Variants in ATP2B2 observed in about 807,000 individuals in gnomAD.
ATP2B2 encodes the protein plasma membrane calcium-transporting ATPase 2.
ATP2B2 carries 15 observed loss-of-function variants against 120.0 expected under a neutral mutation model. The observed-to-expected ratio is 0.12, with a 90% confidence interval of 0.08 to 0.19. ATP2B2 has a LOEUF of 0.19. Among genes scored for constraint, ATP2B2 ranks in the 10% least tolerant of loss-of-function variants. ATP2B2 has a pLI of 1.00. For missense variants in ATP2B2, 1,045 were observed against 1,719.8 expected, an observed-to-expected ratio of 0.61 and a Z score of 6.94; for synonymous variants, 694 against 700.3, an observed-to-expected ratio of 0.99 and a Z score of 0.14.
At chr3:10,559,798 T>TGCACGTGTTCCTTCC (rs2067862717) in intron 2 of ATP2B2, among the ~76,000 whole-genome samples, 2 of 152,232 alleles carry the variant, frequency 1.3e-5, no homozygotes, top group Non-Finnish European at 2.9e-5. Flanking sequence ...GTGGTAACTC[T>TGCACGTGTTCCTTCC]GCACGTGTTC....
chr3:10,635,941 C>A lies in ATP2B2; in HGVS notation c.-459-15980G>T, dbSNP rs1003158707. On this transcript the variant is annotated intron_variant, in intron 1 of 21. Transcript: ENST00000646379. The surrounding 1 kb of genome is among the most constrained non-coding windows in gnomAD (Gnocchi z 4.3). ...CAGGGATGAGCCTCCAGGCAGAGGG[C>A]CCCCTGGACCTACCCAAATGGATGC... Among the ~76,000 whole-genome samples, 3 of 152,206 alleles carry A rather than the reference C, an allele frequency of 2.0e-5. No individual in the cohort carries two copies. Among genetic ancestry groups the A allele is most frequent in the Admixed American group, 1.3e-4 (2 of 15,290 alleles).
chr3:10,427,173 C>T (rs1374092292), intron 2 of ATP2B2, among the ~76,000 whole-genome samples: 1 of 152,194 alleles, frequency 6.6e-6, no homozygotes, highest in Non-Finnish European at 1.5e-5. Flanking sequence ...CTCTTTCAAT[C>T]CCTGGTCCAG....
intron 1 of ATP2B2, among the ~76,000 whole-genome samples, chr3:10,454,918 C>A (rs187329690): frequency 6.6e-6 from 1 of 152,294 alleles, no homozygotes; most frequent in Admixed American, 6.5e-5. Context: ...ATGCTCCTGA[C>A]TCCCAGGTGC....
At chr3:10,707,349 G>A (rs956902113) in intron 1 of ATP2B2, among the ~76,000 whole-genome samples, 1 of 152,188 alleles carries the variant, frequency 6.6e-6, no homozygotes, top group Non-Finnish European at 1.5e-5. Flanking sequence ...AGAGCACTTG[G>A]CAGAGATGCT....
chr3:10,461,508 A>C (rs567921858), intron 1 of ATP2B2, among the ~76,000 whole-genome samples: 55 of 152,214 alleles, frequency 3.6e-4, no homozygotes, highest in Admixed American at 2.2e-3. Flanking sequence ...TCTCCTGATA[A>C]AGTCTTCTCT....
intron 2 of ATP2B2, among the ~76,000 whole-genome samples, chr3:10,439,899 C>T (rs1031900683): frequency 6.9e-6 from 1 of 145,546 alleles, no homozygotes; most frequent in Non-Finnish European, 1.5e-5. Flanking sequence ...GGATTACAAG[C>T]GTGTACCACC....
chr3:10,376,947 T>G (rs1033306295), intron 10 of ATP2B2, among the ~76,000 whole-genome samples: 1 of 152,160 alleles, frequency 6.6e-6, no homozygotes, highest in Non-Finnish European at 1.5e-5. Context: ...GCTTCTTCCC[T>G]AGCGTGGACC....
chr3:10,585,211 T>C (rs1390654025), intron 2 of ATP2B2, among the ~76,000 whole-genome samples: 1 of 152,080 alleles, frequency 6.6e-6, no homozygotes, highest in African/African-American at 2.4e-5. Context: ...TAAGATCCAG[T>C]GAGAGGCCGG....
At chr3:10,665,070 A>G (rs1214777386) in intron 1 of ATP2B2, among the ~76,000 whole-genome samples, 1 of 152,010 alleles carries the variant, frequency 6.6e-6, no homozygotes, top group African/African-American at 2.4e-5. Context: ...CTTCCTGTCC[A>G]CCCCATCCCT....
At position 10,326,916 on chromosome 3, in the gene ATP2B2, G is replaced by A. The variant is rs776551214; in HGVS notation, c.*1898C>T. 8 of 398,758 alleles carry A rather than the reference G, an allele frequency of 2.0e-5. No homozygotes were observed. The highest frequency in any genetic ancestry group is 4.1e-5 in the African/African-American group (2 of 48,602). The allele number at this position is 398,758 out of a possible 1,614,324, so 24.7% of individuals were successfully genotyped here. A position where few individuals can be genotyped will look rare whatever the true frequency, so the allele number is the denominator to read the frequency against. ...TTCTCTGGGCCTGGAGAAGGGAAGG[G>A]GCTGGGCTGACACAGCCATCGTGAG... On this transcript the variant is annotated 3_prime_UTR_variant, in exon 23 of 23. Transcript: ENST00000360273.
intron 22 of ATP2B2, chr3:10,330,209 C>A (rs530202770): frequency 6.5e-6 from 1 of 154,852 alleles, no homozygotes; most frequent in Non-Finnish European, 1.5e-5. Context: ...GTTTCCTCCG[C>A]TGAAGAATGG....
chr3:10,449,277 G>C lies in ATP2B2; in HGVS notation c.199+68C>G, dbSNP rs986526978. On this transcript the variant is annotated intron_variant, in intron 2 of 22. Transcript: ENST00000360273. ...CCTGCTGTTACATATTATGAATATG[G>C]TCCCTGTGGCCAATTCAGATGGTGG... 18 of 1,534,138 alleles carry C rather than the reference G, an allele frequency of 1.2e-5. No homozygotes were observed. The African/African-American group carries it at 2.5e-4, about 21-fold the overall frequency.
intron 2 of ATP2B2, among the ~76,000 whole-genome samples, chr3:10,556,436 T>C (rs1282287371): frequency 6.6e-6 from 1 of 152,174 alleles, no homozygotes; most frequent in Non-Finnish European, 1.5e-5. Flanking sequence ...AAAAATTGAC[T>C]GTGTCAGGAG....
chr3:10,536,697 T>G (rs538662448), intron 2 of ATP2B2, among the ~76,000 whole-genome samples: 1 of 152,056 alleles, frequency 6.6e-6, no homozygotes, highest in Non-Finnish European at 1.5e-5. Flanking sequence ...CAGCTAATTT[T>G]ATTTATTTTT....
At chr3:10,595,571 G>C (rs2068746718) in intron 2 of ATP2B2, among the ~76,000 whole-genome samples, 1 of 152,168 alleles carries the variant, frequency 6.6e-6, no homozygotes, top group Non-Finnish European at 1.5e-5. Context: ...AAGTCACACA[G>C]CTAAGAAATC....
At chr3:10,444,588 C>T (rs903111792) in intron 2 of ATP2B2, among the ~76,000 whole-genome samples, 3 of 152,210 alleles carry the variant, frequency 2.0e-5, no homozygotes, top group Admixed American at 6.5e-5. Flanking sequence ...CCCACTCCAC[C>T]CTGCTGCCGC....
chr3:10,628,423 G>A (rs2125634734), intron 1 of ATP2B2, among the ~76,000 whole-genome samples: 1 of 152,334 alleles, frequency 6.6e-6, no homozygotes, highest in Non-Finnish European at 1.5e-5. Context: ...TCTGGCGAAT[G>A]ATTAACGTGC....
At chr3:10,371,784 G>A in intron 12 of ATP2B2, 25 bp downstream of exon 12, 1 of 1,614,148 alleles carries the variant, frequency 6.2e-7, no homozygotes, top group Non-Finnish European at 8.5e-7. Flanking sequence ...GCTCCAGGTG[G>A]TGGATGTGCC....
At position 10,340,441 on chromosome 3, in the gene ATP2B2, T is replaced by C; in HGVS notation, c.3129+52A>G. The C allele has an allele frequency of 6.2e-7, 1 of 1,613,754 alleles. No homozygotes were observed. Among genetic ancestry groups the C allele is most frequent in the Non-Finnish European group, 8.5e-7 (1 of 1,179,746 alleles). On this transcript the variant is annotated intron_variant, in intron 20 of 22. Coordinates refer to ENST00000360273, the MANE Select transcript of ATP2B2 (RefSeq NM_001001331.4). This position sits in a 1 kb window ranked among gnomAD's most constrained non-coding sequence, Gnocchi z 5.0. Reference sequence around the variant, plus strand: ...GGCTCTCAGGGTCCTGCCCAGGGGCTCCAGCCGCTTGCTGCCCACCCCGGG... The same window carrying C: ...GGCTCTCAGGGTCCTGCCCAGGGGCCCCAGCCGCTTGCTGCCCACCCCGGG...
Sources: allele counts gnomAD v4.1 joint callset (sites outside exome capture counted in the v4.1 genomes callset), GRCh38; gene constraint gnomAD v4.1.1; non-coding constraint Gnocchi (gnomAD v3.1); transcripts MANE v1.5; gene names NCBI Gene and HGNC (gene_info 2026-07-23, HGNC 2026-07-21).